LYPLAL1: variants seen among roughly 807,000 people sequenced by gnomAD.
LYPLAL1 encodes the protein lysophospholipase like 1.
LYPLAL1 carries 23 observed loss-of-function variants against 19.7 expected under a neutral mutation model. The ratio of observed to expected loss-of-function variants is 1.17; its 90% CI spans 0.84 to 1.65. LYPLAL1 has a LOEUF of 1.65. Among genes scored for constraint, LYPLAL1 ranks in the 40% most tolerant of loss-of-function variants. The pLI is 0.00. For synonymous variants in LYPLAL1, 119 were observed against 96.3 expected, an observed-to-expected ratio of 1.24 and a Z score of -1.38; for missense variants, 355 against 279.4, an observed-to-expected ratio of 1.27 and a Z score of -1.93.
the LYPLAL1 span, among the ~76,000 whole-genome samples, chr1:219,302,394 C>G: frequency 2.0e-5 from 3 of 152,132 alleles, no homozygotes; most frequent in South Asian, 6.2e-4. Flanking sequence ...AAGTTAATTT[C>G]AGCCTTATTT....
chr1:219,203,014 A>T (rs550832987), intron 3 of LYPLAL1, among the ~76,000 whole-genome samples: 2 of 152,310 alleles, frequency 1.3e-5, no homozygotes, highest in East Asian at 3.9e-4. Flanking sequence ...AAAATGAATT[A>T]TAATGGGAAA....
At chr1:219,198,362 A>G (rs1451140095) in intron 3 of LYPLAL1, among the ~76,000 whole-genome samples, 1 of 152,038 alleles carries the variant, frequency 6.6e-6, no homozygotes, top group Non-Finnish European at 1.5e-5. Context: ...TATATATGCT[A>G]TATATAATCC....
chr1:219,408,533 G>A, the LYPLAL1 span, among the ~76,000 whole-genome samples: 1 of 152,054 alleles, frequency 6.6e-6, no homozygotes, highest in Non-Finnish European at 1.5e-5. Flanking sequence ...CAAGGAAAAG[G>A]TAATTAATAA....
At chr1:219,194,734 G>A (rs964551844) in intron 3 of LYPLAL1, among the ~76,000 whole-genome samples, 15 of 152,064 alleles carry the variant, frequency 9.9e-5, no homozygotes, top group African/African-American at 3.6e-4. Context: ...TGTAGGAATT[G>A]AGAGGAAGAA....
the LYPLAL1 span, among the ~76,000 whole-genome samples, chr1:219,358,823 C>CGT: frequency 4.6e-5 from 7 of 150,678 alleles, 1 homozygote; most frequent in African/African-American, 1.5e-4. Context: ...AATTATAGTG[C>CGT]GTGTGTGTGT....
chr1:219,403,096 G>T, the LYPLAL1 span, among the ~76,000 whole-genome samples: 52 of 152,274 alleles, frequency 3.4e-4, 1 homozygote, highest in African/African-American at 1.2e-3. Context: ...ATTTCATGTT[G>T]TGACTACAAG....
intron 2 of LYPLAL1, among the ~76,000 whole-genome samples, chr1:219,189,283 A>G (rs1656962483): frequency 6.6e-6 from 1 of 151,722 alleles, no homozygotes; most frequent in Admixed American, 6.6e-5. Flanking sequence ...AAAGGGAAGT[A>G]GAACAATTCA....
chr1:219,361,966 T>A, the LYPLAL1 span, among the ~76,000 whole-genome samples: 371 of 152,220 alleles, frequency 2.4e-3, 3 homozygotes, highest in African/African-American at 7.7e-3. Context: ...CTTGGCTTTG[T>A]CCCCCTGTTT....
the LYPLAL1 span, among the ~76,000 whole-genome samples, chr1:219,384,394 C>T: frequency 4.6e-5 from 7 of 152,326 alleles, no homozygotes; most frequent in African/African-American, 1.4e-4. Flanking sequence ...CATCATGTCC[C>T]TCAAACTACA....
chr1:219,252,319 T>C, the LYPLAL1 span, among the ~76,000 whole-genome samples: 7 of 152,206 alleles, frequency 4.6e-5, no homozygotes, highest in South Asian at 1.4e-3. Flanking sequence ...AATACTATGT[T>C]GAATAGAAGT....
At chr1:219,207,326 TA>T (rs1377368340) in intron 3 of LYPLAL1, among the ~76,000 whole-genome samples, 11 of 152,102 alleles carry the variant, frequency 7.2e-5, no homozygotes, top group Non-Finnish European at 1.0e-4. Context: ...TAAGAGCTTT[TA>T]AAAATTAGAC....
chr1:219,293,759 A>T, the LYPLAL1 span, among the ~76,000 whole-genome samples: 1 of 152,236 alleles, frequency 6.6e-6, no homozygotes, highest in Non-Finnish European at 1.5e-5. Flanking sequence ...GTATCTTAAT[A>T]CACAATATAT....
the LYPLAL1 span, among the ~76,000 whole-genome samples, chr1:219,250,626 G>A: frequency 6.6e-6 from 1 of 151,872 alleles, no homozygotes; most frequent in African/African-American, 2.4e-5. Flanking sequence ...CCCTGCAAAA[G>A]ACATGATCTC....
chr1:219,422,921 G>A, the LYPLAL1 span, among the ~76,000 whole-genome samples: 273 of 152,196 alleles, frequency 1.8e-3, no homozygotes, highest in Middle Eastern at 3.4e-3. Flanking sequence ...GTTGGTAATG[G>A]TTTGTTCTTA....
the LYPLAL1 span, among the ~76,000 whole-genome samples, chr1:219,406,153 A>T: frequency 6.6e-6 from 1 of 152,192 alleles, no homozygotes; most frequent in East Asian, 1.9e-4. Flanking sequence ...CCGCCTTTTA[A>T]AAAAGGAAAT....
the LYPLAL1 span, among the ~76,000 whole-genome samples, chr1:219,436,707 T>G: frequency 1.3e-5 from 2 of 152,122 alleles, no homozygotes; most frequent in Admixed American, 1.3e-4. Context: ...ACATGTGCAC[T>G]CAAGTGGGCA....
At chr1:219,235,792 A>G in the LYPLAL1 span, among the ~76,000 whole-genome samples, 1 of 152,196 alleles carries the variant, frequency 6.6e-6, no homozygotes, top group Non-Finnish European at 1.5e-5. Flanking sequence ...AGCATTTAAT[A>G]AAGTTCCTGT....
chr1:219,374,672 A>G, the LYPLAL1 span, among the ~76,000 whole-genome samples: 1 of 152,342 alleles, frequency 6.6e-6, no homozygotes, highest in African/African-American at 2.4e-5. Flanking sequence ...CATTGTTCCT[A>G]TAGACATAAT....
At chr1:219,431,638 T>C in the LYPLAL1 span, among the ~76,000 whole-genome samples, 9 of 152,338 alleles carry the variant, frequency 5.9e-5, no homozygotes, top group South Asian at 1.5e-3. Context: ...TTCTTAGCAA[T>C]CCATAACTGT....
Sources: allele counts gnomAD v4.1 joint callset (sites outside exome capture counted in the v4.1 genomes callset), GRCh38; gene constraint gnomAD v4.1.1; transcripts MANE v1.5; gene names NCBI Gene and HGNC (gene_info 2026-07-23, HGNC 2026-07-21).